Variants in DDX60L observed in about 807,000 individuals in gnomAD.
The protein encoded by DDX60L is DExD/H-box 60 like, also known as probable ATP-dependent RNA helicase DDX60-like.
In DDX60L, 191 loss-of-function variants were observed where a neutral mutation model predicts 211.6. That is an observed-to-expected ratio of 0.90 (90% CI 0.80 to 1.02). The LOEUF is 1.02. Among genes scored for constraint, DDX60L ranks in the 50% least tolerant of loss-of-function variants. The pLI is 0.00. For missense variants in DDX60L, 2,007 were observed against 1,984.1 expected (o/e 1.01, Z -0.22); for synonymous variants, 706 against 694.1 (o/e 1.02, Z -0.27).
chr4:168,459,121 C>T (rs1756966276), intron 5 of DDX60L, among the ~76,000 whole-genome samples: 1 of 151,970 alleles, frequency 6.6e-6, no homozygotes, highest in African/African-American at 2.4e-5. Flanking sequence ...AGAAAAATAA[C>T]TTCTTTTAGG....
At chr4:168,398,341 G>A (rs777855854) in intron 26 of DDX60L, among the ~76,000 whole-genome samples, 22 of 152,324 alleles carry the variant, frequency 1.4e-4, no homozygotes, top group East Asian at 7.7e-4. Context: ...TCAGGACAGC[G>A]CTGACATGCC....
chr4:168,417,903 C>T (rs938369277), intron 19 of DDX60L, among the ~76,000 whole-genome samples: 2 of 152,148 alleles, frequency 1.3e-5, no homozygotes, highest in Non-Finnish European at 2.9e-5. Flanking sequence ...TTTCATATCC[C>T]TTCTGACTTT....
chr4:168,442,140 G>A lies in DDX60L; in HGVS notation c.1139-648C>T, dbSNP rs536163969. Among the ~76,000 whole-genome samples the A allele has an allele frequency of 5.9e-5, 9 of 152,160 alleles. No homozygotes were observed. The East Asian group carries it at 1.2e-3, about 20-fold the overall frequency. ...CCAGACAGTGGGCACAGGTCAGTGG[G>A]TGCGCGCACCGTGTGCGAGCCGAAG... is the stretch of plus-strand genomic sequence containing the variant. On this transcript the variant is annotated intron_variant, in intron 9 of 37. Transcript: ENST00000682922.
chr4:168,414,391 T>C (rs1749180756), intron 22 of DDX60L, among the ~76,000 whole-genome samples: 1 of 152,064 alleles, frequency 6.6e-6, no homozygotes, highest in Non-Finnish European at 1.5e-5. Flanking sequence ...CTATCACAAA[T>C]TACAGCCACA....
chr4:168,419,883 A>G (rs1424480829), intron 18 of DDX60L, among the ~76,000 whole-genome samples: 1 of 152,194 alleles, frequency 6.6e-6, no homozygotes. Flanking sequence ...TCTATTTGAA[A>G]TTTCAGATCA....
At chr4:168,389,489 T>G (rs888447572) in intron 29 of DDX60L, among the ~76,000 whole-genome samples, 2 of 152,184 alleles carry the variant, frequency 1.3e-5, no homozygotes, top group African/African-American at 4.8e-5. Context: ...TGAGACTAGA[T>G]TCCTCTATCA....
intron 8 of DDX60L, among the ~76,000 whole-genome samples, chr4:168,451,050 G>A (rs1430966229): frequency 6.6e-6 from 1 of 152,056 alleles, no homozygotes; most frequent in African/African-American, 2.4e-5. Context: ...TTTGAAATAT[G>A]ATTCATATGA....
chr4:168,473,816 G>A (rs1022852781), intron 1 of DDX60L, among the ~76,000 whole-genome samples: 1 of 152,156 alleles, frequency 6.6e-6, no homozygotes, highest in Non-Finnish European at 1.5e-5. Context: ...GTCTTAGGAG[G>A]TGATTCTGGG....
Position 168,400,868 on chromosome 4 carries a change from A to T in DDX60L, c.3449T>A (p.Ile1150Lys), listed in dbSNP as rs1014900640. ...HTECHSYVFAIDEVLEKVRKT... is the reference protein window; with the variant it reads ...HTECHSYVFAKDEVLEKVRKT... ...CCTCACTTTTTCAAGTACTTCATCT[A>T]TTGCAAAGACATAACTATGACATTC... The change falls in exon 26 of 38, where the codon ATA (isoleucine) becomes AAA (lysine). Residue 1150 changes from isoleucine to lysine, a missense_variant. By Grantham distance (102) the Ile-to-Lys change is moderately radical (BLOSUM62 -3). Transcript: ENST00000682922. 30 of 1,613,476 alleles carry T rather than the reference A, an allele frequency of 1.9e-5. No individual in the cohort carries two copies. Among genetic ancestry groups the T allele is most frequent in the Non-Finnish European group, 2.4e-5 (28 of 1,179,600 alleles).
intron 30 of DDX60L, 86 bp from the exon 31 acceptor site, chr4:168,379,916 A>G (rs1307944663): frequency 3.6e-6 from 3 of 830,736 alleles, no homozygotes; most frequent in South Asian, 2.0e-5. Context: ...CATACATACT[A>G]TATAGATAAG....
At chr4:168,420,469 C>A (rs761652638) in intron 17 of DDX60L, 89 bp from the exon 18 acceptor site, 2 of 13,212 alleles carry the variant, frequency 1.5e-4, no homozygotes, top group Non-Finnish European at 3.0e-4. Context: ...CACATACACA[C>A]ACACACACAC....
chr4:168,434,671 G>A (rs1415954385), intron 10 of DDX60L, among the ~76,000 whole-genome samples: 1 of 152,196 alleles, frequency 6.6e-6, no homozygotes, highest in African/African-American at 2.4e-5. Flanking sequence ...TGAATAGTCT[G>A]ATTCACAGAA....
chr4:168,412,790 G>A (rs1049297933), intron 22 of DDX60L, among the ~76,000 whole-genome samples: 2 of 152,236 alleles, frequency 1.3e-5, no homozygotes, highest in Non-Finnish European at 1.5e-5. Context: ...GGGATGCTAT[G>A]TTGCTTTCTC....
At chr4:168,437,007 C>G in intron 10 of DDX60L, among the ~76,000 whole-genome samples, 1 of 152,118 alleles carries the variant, frequency 6.6e-6, no homozygotes, top group East Asian at 1.9e-4. Flanking sequence ...ACAGGAGATC[C>G]CTTAAGGGTT....
intron 10 of DDX60L, among the ~76,000 whole-genome samples, chr4:168,433,404 G>A (rs893051847): frequency 2.0e-5 from 3 of 151,672 alleles, no homozygotes; most frequent in Non-Finnish European, 2.9e-5. Context: ...TTTTTATTAT[G>A]TCACAGTATG....
At chr4:168,374,213 A>G (rs983479743) in intron 34 of DDX60L, among the ~76,000 whole-genome samples, 2 of 151,708 alleles carry the variant, frequency 1.3e-5, no homozygotes, top group African/African-American at 4.8e-5. Flanking sequence ...CGTTTTTCCC[A>G]TCACGACACA....
At chr4:168,366,949 A>G (rs1487241798) in intron 36 of DDX60L, among the ~76,000 whole-genome samples, 1 of 151,922 alleles carries the variant, frequency 6.6e-6, no homozygotes. Flanking sequence ...ATGTTAATAT[A>G]TTATATGCTA....
At chr4:168,366,979 G>A (rs1272250321) in intron 36 of DDX60L, among the ~76,000 whole-genome samples, 1 of 151,532 alleles carries the variant, frequency 6.6e-6, no homozygotes, top group Admixed American at 6.6e-5. Flanking sequence ...TGTTTAATAG[G>A]TTATGCTGAT....
rs200386056 is a variant in DDX60L at position 168,405,906 on chromosome 4, T to C, written c.3213+44A>G. ...TAAATTATTATGCAACTCCAAACAA[T>C]TAACAATTAAGTGAAACTTTGTCCA... On this transcript the variant is annotated intron_variant, in intron 24 of 37. Coordinates refer to ENST00000682922, the MANE Select transcript of DDX60L (RefSeq NM_001012967.3). The C allele has an allele frequency of 4.3e-4, 652 of 1,508,096 alleles. 1 individual carries two copies. The highest frequency in any genetic ancestry group is 5.5e-4 in the Non-Finnish European group (625 of 1,130,430). 93.4% of individuals were successfully genotyped at this position (1,508,096 alleles called of 1,614,324 possible).
Sources: allele counts gnomAD v4.1 joint callset (sites outside exome capture counted in the v4.1 genomes callset), GRCh38; gene constraint gnomAD v4.1.1; transcripts MANE v1.5; gene names NCBI Gene and HGNC (gene_info 2026-07-23, HGNC 2026-07-21).